EPS8: variants seen among roughly 807,000 people sequenced by gnomAD.
The protein encoded by EPS8 is epidermal growth factor receptor kinase substrate 8.
In EPS8, 42 loss-of-function variants were observed where a neutral mutation model predicts 103.8. The ratio of observed to expected loss-of-function variants is 0.40; its 90% confidence interval spans 0.32 to 0.52. EPS8 has a LOEUF of 0.52. Among genes scored for constraint, EPS8 ranks in the 20% least tolerant of loss-of-function variants. The probability of loss-of-function intolerance (pLI) is 0.40; values close to 1 mark genes in which losing one functional copy is unlikely to be tolerated. For synonymous variants in EPS8, 344 were observed against 344.6 expected (o/e 1.00, Z 0.02); for missense variants, 969 against 1,005.1 (o/e 0.96, Z 0.49).
Position 15,757,150 on chromosome 12 carries a change from T to A in EPS8, c.-22+32011A>T, listed in dbSNP as rs1236468621. Reference sequence around the variant, plus strand: ...TAGAAACCTAGAAATATTTATTAAATCAAGCTACAAAATGGAGAGACTGAA... The same window carrying A: ...TAGAAACCTAGAAATATTTATTAAAACAAGCTACAAAATGGAGAGACTGAA... On this transcript the variant is annotated intron_variant, in intron 1 of 20. Transcript: ENST00000281172. This position sits in a 1 kb window ranked among gnomAD's most constrained non-coding sequence, Gnocchi z 4.1. Among the ~76,000 whole-genome samples the A allele has an allele frequency of 1.3e-5, 2 of 152,144 alleles. No homozygotes were observed. The highest frequency in any genetic ancestry group is 1.3e-4 in the Admixed American group (2 of 15,282).
chr12:15,782,443 G>A (rs997641933), intron 1 of EPS8, among the ~76,000 whole-genome samples: 33 of 152,286 alleles, frequency 2.2e-4, no homozygotes, highest in Non-Finnish European at 1.9e-4. Flanking sequence ...TGAGGCTGCA[G>A]TAGGCCCAAG....
chr12:15,765,992 T>G (rs1197402571), intron 1 of EPS8, among the ~76,000 whole-genome samples: 2 of 151,496 alleles, frequency 1.3e-5, no homozygotes, highest in Non-Finnish European at 2.9e-5. Context: ...GTTTTTGTAT[T>G]TTTAGTAGAG....
intron 1 of EPS8, among the ~76,000 whole-genome samples, chr12:15,730,562 G>A (rs942124064): frequency 4.8e-4 from 73 of 152,242 alleles, no homozygotes; most frequent in Middle Eastern, 3.4e-3. Context: ...GCTTAAAAAC[G>A]ATGGGACTTT....
intron 14 of EPS8, among the ~76,000 whole-genome samples, chr12:15,650,073 CT>C (rs1245395684): frequency 6.6e-6 from 1 of 152,182 alleles, no homozygotes; most frequent in African/African-American, 2.4e-5. Context: ...AGAAACATCA[CT>C]TTTAGGGAAT....
rs141517961 is a variant in EPS8, at chr12:15,714,162, T to C, written c.-21-31190A>G. Reference sequence around the variant, plus strand: ...TAGAGATTACAAAATATGGAGAAAATGATTTACTGTGATTATTAACAAATA... The same window carrying C: ...TAGAGATTACAAAATATGGAGAAAACGATTTACTGTGATTATTAACAAATA... On this transcript the variant is annotated intron_variant, in intron 1 of 20. Coordinates refer to ENST00000281172, the MANE Select transcript of EPS8 (RefSeq NM_004447.6). The surrounding 1 kb of genome is among the most constrained non-coding windows in gnomAD (Gnocchi z 4.1). Among the ~76,000 whole-genome samples the C allele has an allele frequency of 2.0e-5, 3 of 151,996 alleles. No homozygotes were observed. Among genetic ancestry groups the C allele is most frequent in the African/African-American group, 7.2e-5 (3 of 41,462 alleles).
chr12:15,655,147 A>G (rs945872580), intron 12 of EPS8, among the ~76,000 whole-genome samples: 1 of 151,980 alleles, frequency 6.6e-6, no homozygotes, highest in African/African-American at 2.4e-5. Context: ...GCCTCTGTGT[A>G]TTTGTACATG....
intron 1 of EPS8, among the ~76,000 whole-genome samples, chr12:15,741,800 T>A (rs2136006920): frequency 6.6e-6 from 1 of 152,220 alleles, no homozygotes; most frequent in East Asian, 1.9e-4. Context: ...GCCATGTTGG[T>A]GTGCTGCACC....
At position 15,759,033 on chromosome 12, in the gene EPS8, T is replaced by G. The variant is rs1035755954; in HGVS notation, c.-22+30128A>C. Among the ~76,000 whole-genome samples, 2 of 152,134 alleles carry G rather than the reference T, an allele frequency of 1.3e-5. No homozygotes were observed. The highest frequency in any genetic ancestry group is 4.8e-5 in the African/African-American group (2 of 41,438). ...TTCTTCTACAGATTTTTTTTTAAAA[T>G]TTTTTAATTAAAAGATGCAGGGGAA... On this transcript the variant is annotated intron_variant, in intron 1 of 20. Transcript: ENST00000281172. This position sits in a 1 kb window ranked among gnomAD's most constrained non-coding sequence, Gnocchi z 4.9.
intron 1 of EPS8, among the ~76,000 whole-genome samples, chr12:15,699,505 G>GCT: frequency 6.7e-6 from 1 of 150,078 alleles, no homozygotes. Flanking sequence ...GAGAAATAGA[G>GCT]AAGTTTTCTT....
chr12:15,784,663 A>T lies in EPS8; in HGVS notation c.-22+4498T>A, dbSNP rs894747882. On this transcript the variant is annotated intron_variant, in intron 1 of 20. Coordinates refer to ENST00000281172, the MANE Select transcript of EPS8 (RefSeq NM_004447.6). The surrounding 1 kb of genome is among the most constrained non-coding windows in gnomAD (Gnocchi z 4.0). ...ATTTATCCAACGGATATAAGAACTT[A>T]TGTCTACCCAAAAACCTGCATGTGA... Among the ~76,000 whole-genome samples the T allele has an allele frequency of 6.6e-6, 1 of 152,180 alleles. No individual in the cohort carries two copies. The highest frequency in any genetic ancestry group is 6.5e-5 in the Admixed American group (1 of 15,280).
At chr12:15,711,380 T>C (rs1002084076) in intron 1 of EPS8, among the ~76,000 whole-genome samples, 1 of 152,182 alleles carries the variant, frequency 6.6e-6, no homozygotes, top group African/African-American at 2.4e-5. Flanking sequence ...GCGTATCTCC[T>C]CCATAGTCAT....
At chr12:15,763,695 T>C (rs1947064661) in intron 1 of EPS8, among the ~76,000 whole-genome samples, 1 of 152,356 alleles carries the variant, frequency 6.6e-6, no homozygotes, top group African/African-American at 2.4e-5. Flanking sequence ...ACACGCTGCA[T>C]GGCACTCTTC....
Position 15,751,238 on chromosome 12 carries a change from A to T in EPS8, c.-22+37923T>A, listed in dbSNP as rs1479604298. Among the ~76,000 whole-genome samples the T allele has an allele frequency of 6.6e-6, 1 of 152,076 alleles. No individual in the cohort carries two copies. Among genetic ancestry groups the T allele is most frequent in the Non-Finnish European group, 1.5e-5 (1 of 68,012 alleles). ...CCACACGTAGTGGTGTGTGCCTGTA[A>T]TCCCAGCTACTAGCAAGGCTGAGGC... On this transcript the variant is annotated intron_variant, in intron 1 of 20. Coordinates refer to ENST00000281172, the MANE Select transcript of EPS8 (RefSeq NM_004447.6). The surrounding 1 kb of genome is among the most constrained non-coding windows in gnomAD (Gnocchi z 4.3).
chr12:15,717,827 C>T lies in EPS8; in HGVS notation c.-21-34855G>A, dbSNP rs184585114. 1.4e-3 allele frequency among the ~76,000 whole-genome samples: 211 copies of T among 152,138 alleles called. 3 individuals are homozygous for T. Among genetic ancestry groups the T allele is most frequent in the African/African-American group, 5.0e-3 (209 of 41,522 alleles). On this transcript the variant is annotated intron_variant, in intron 1 of 20. Transcript: ENST00000281172. This position sits in a 1 kb window ranked among gnomAD's most constrained non-coding sequence, Gnocchi z 4.3. ...ATAAATGAACAAAATGGTAGTTTTG[C>T]CTTAAATTGGCAATGTTTAGGAATG...
Position 15,641,767 on chromosome 12 carries a change from T to C in EPS8, c.1632A>G (p.Ala544=), listed in dbSNP as rs145901982. 275 of 1,601,994 alleles carry C rather than the reference T, an allele frequency of 1.7e-4. No homozygotes were observed. The highest frequency in any genetic ancestry group is 2.2e-4 in the Non-Finnish European group (253 of 1,172,978). Reference sequence around the variant, plus strand: ...GAACCGAGAGCTCACTGTTGTTCCTTGCTACAAAGTCATACTTGGATTTGG... The same window carrying C: ...GAACCGAGAGCTCACTGTTGTTCCTCGCTACAAAGTCATACTTGGATTTGG... ...KYAKSKYDFV[A]RNNSELSVLK... Residue 544 remains alanine, a synonymous_variant, in exon 16 of 21, where the codon GCA becomes GCG. Transcript: ENST00000281172.
At chr12:15,667,317 A>C (rs1037785475) in intron 6 of EPS8, among the ~76,000 whole-genome samples, 1 of 152,202 alleles carries the variant, frequency 6.6e-6, no homozygotes, top group African/African-American at 2.4e-5. Flanking sequence ...TATTTAAAAG[A>C]GCATCTCATC....
At chr12:15,679,427 T>C (rs1216323811) in intron 3 of EPS8, among the ~76,000 whole-genome samples, 1 of 152,198 alleles carries the variant, frequency 6.6e-6, no homozygotes, top group Non-Finnish European at 1.5e-5. Context: ...TTACACTCAT[T>C]CTGCAAGTAT....
intron 1 of EPS8, among the ~76,000 whole-genome samples, chr12:15,692,587 C>T (rs1038501138): frequency 4.6e-5 from 7 of 151,940 alleles, no homozygotes; most frequent in Non-Finnish European, 8.8e-5. Context: ...AAATCATTTT[C>T]CTAAAGTCCG....
rs1254649290 is a variant in EPS8, at chr12:15,621,426, C to G, written c.2360G>C (p.Ser787Thr). ...TTCTTGTAACTCGGAGCTGCCACTG[C>G]TATCCTGAAAGATAAACAGTTCAGA... ...ITVQKAALED[S>T]SGSSELQEIM... Residue 787 changes from serine (S) to threonine (T), a missense_variant, in exon 21 of 21, where the codon AGC (serine) becomes ACC (threonine). Ser to Thr is a moderately conservative substitution (Grantham distance 58, BLOSUM62 1). Coordinates refer to ENST00000281172, the MANE Select transcript of EPS8 (RefSeq NM_004447.6). 6.3e-7 allele frequency: 1 copy of G among 1,579,928 alleles called. No homozygotes were observed. The highest frequency in any genetic ancestry group is 1.1e-5 in the South Asian group (1 of 88,608).
Sources: gnomAD v4.1 joint callset for allele counts (sites outside exome capture counted in the v4.1 genomes callset) on GRCh38, gnomAD v4.1.1 for gene constraint, Gnocchi (gnomAD v3.1) non-coding constraint, MANE v1.5 for transcripts, NCBI Gene and HGNC (gene_info 2026-07-23, HGNC 2026-07-21) for gene names.